The following PPFIBP2 variants were observed in gnomAD, a reference collection of about 807,000 sequenced individuals.
The protein encoded by PPFIBP2 is liprin-beta-2.
In PPFIBP2, 118 loss-of-function variants were observed where a neutral mutation model predicts 118.3. The observed-to-expected ratio is 1.00, with a 90% CI of 0.86 to 1.16. The LOEUF (loss-of-function observed/expected upper bound fraction) is 1.16, where lower values mean the gene tolerates loss of function less well. PPFIBP2 is among the 50% of genes most tolerant of loss of function. The pLI, the probability that PPFIBP2 is intolerant of heterozygous loss-of-function variation, is 0.00. For missense variants in PPFIBP2, 1,195 were observed against 1,073.1 expected, an observed-to-expected ratio of 1.11 and a Z score of -1.59; for synonymous variants, 414 against 397.4, an observed-to-expected ratio of 1.04 and a Z score of -0.50.
At chr11:7,654,176 G>A (rs1854469806), downstream of PPFIBP2, among the ~76,000 whole-genome samples, 1 of 152,214 alleles carries the variant, frequency 6.6e-6, no homozygotes, top group African/African-American at 2.4e-5. Flanking sequence ...ACTTAGCTAG[G>A]CTCATAACCA....
At chr11:7,613,846 C>T (rs1016488985) in intron 6 of PPFIBP2, among the ~76,000 whole-genome samples, 1 of 152,102 alleles carries the variant, frequency 6.6e-6, no homozygotes, top group African/African-American at 2.4e-5. Flanking sequence ...GAGCAGGGAC[C>T]CCAGATATGC....
At chr11:7,654,607 G>C (rs1820625062), downstream of PPFIBP2, among the ~76,000 whole-genome samples, 1 of 152,274 alleles carries the variant, frequency 6.6e-6, no homozygotes, top group Non-Finnish European at 1.5e-5. Context: ...AAGCTTGCCA[G>C]CTGGCAATGC....
At position 7,625,853 on chromosome 11, in the gene PPFIBP2, G is replaced by T. The variant is rs746659185; in HGVS notation, c.788G>T (p.Arg263Leu). 1 of 1,614,192 alleles carries T rather than the reference G, an allele frequency of 6.2e-7. No homozygotes were observed. The change falls in exon 8 of 24, where the codon CGG becomes CTG. Residue 263 changes from arginine (R) to leucine (L), a missense_variant. Physicochemically the swap from Arg to Leu is moderately radical, Grantham distance 102 (BLOSUM62 -2). Transcript: ENST00000299492. ...GAGCGTCTGCACAGCCAGCTCTCCC[G>T]GACAGCAGCTCTCCACAGTGAGAGT... ...EIERLHSQLS[R>L]TAALHSESHT...
At chr11:7,665,969 A>T in the PPFIBP2 span, 3 of 1,496,624 alleles carry the variant, frequency 2.0e-6, no homozygotes, top group South Asian at 2.4e-5. Flanking sequence ...AGCCGGGAGC[A>T]GTGTGAGAGG....
chr11:7,562,968 T>TACACACACACAC (rs1382262708), intron 2 of PPFIBP2, among the ~76,000 whole-genome samples: 3 of 99,510 alleles, frequency 3.0e-5, no homozygotes, highest in African/African-American at 1.2e-4. Context: ...TATATATATA[T>TACACACACACAC]ATATATATAC....
At chr11:7,625,629 A>T in intron 7 of PPFIBP2, 148 bp from the exon 8 acceptor site, 1 of 633,022 alleles carries the variant, frequency 1.6e-6, no homozygotes, top group South Asian at 1.9e-5. Flanking sequence ...ACCTGTGGAG[A>T]GGGCAGTGAG....
intron 6 of PPFIBP2, among the ~76,000 whole-genome samples, chr11:7,614,516 G>A (rs373615875): frequency 1.6e-4 from 25 of 152,016 alleles, no homozygotes; most frequent in East Asian, 7.7e-4. Context: ...TTAATCAGTC[G>A]TCTCTCAGTG....
At position 7,579,666 on chromosome 11, in the gene PPFIBP2, T is replaced by C. The variant is rs58787733; in HGVS notation, c.280-13466T>C. On this transcript the variant is annotated intron_variant, in intron 3 of 23. Transcript: ENST00000299492. ...AGTTATGTGTGTGGAGGAACTAATT[T>C]TGCATGTGATGCAATGTAAGAAGGC... Among the ~76,000 whole-genome samples, 350 of 152,310 alleles carry C rather than the reference T, an allele frequency of 2.3e-3. 1 individual carries two copies. Among genetic ancestry groups the C allele is most frequent in the African/African-American group, 8.3e-3 (345 of 41,564 alleles).
At chr11:7,585,618 C>T (rs1309141133) in intron 3 of PPFIBP2, among the ~76,000 whole-genome samples, 1 of 152,192 alleles carries the variant, frequency 6.6e-6, no homozygotes, top group African/African-American at 2.4e-5. Flanking sequence ...GTCATGCTGC[C>T]CACCACAAAT....
chr11:7,514,916 A>G (rs1259777662), intron 1 of PPFIBP2, among the ~76,000 whole-genome samples: 1 of 152,214 alleles, frequency 6.6e-6, no homozygotes, highest in African/African-American at 2.4e-5. Context: ...TCCCTTTTCT[A>G]TATTTTGGTC....
chr11:7,640,985 C>A, intron 15 of PPFIBP2: 1 of 1,227,906 alleles, frequency 8.1e-7, no homozygotes, highest in Non-Finnish European at 1.1e-6. Context: ...TGGACTTTGG[C>A]CTCTCTTGTT....
intron 2 of PPFIBP2, 47 bp from the exon 3 acceptor site, chr11:7,565,506 A>G (rs938944280): frequency 6.3e-7 from 1 of 1,595,658 alleles, no homozygotes; most frequent in East Asian, 2.2e-5. Context: ...TACCTTGCTC[A>G]GGGTGTCCAC....
At chr11:7,660,487 G>T (rs930614530), downstream of PPFIBP2, among the ~76,000 whole-genome samples, 2 of 148,968 alleles carry the variant, frequency 1.3e-5, no homozygotes, top group African/African-American at 2.5e-5. Flanking sequence ...TTGCATCCCA[G>T]GGATGAAGCC....
intron 12 of PPFIBP2, 25 bp from the exon 13 acceptor site, chr11:7,634,457 CTTCTCATAACTAT>C (rs879671492): frequency 9.3e-6 from 14 of 1,510,540 alleles, no homozygotes; most frequent in Non-Finnish European, 1.3e-5. Flanking sequence ...CATGTACCTC[CTTCTCATAACTAT>C]TTCTTTCTTT....
chr11:7,559,069 C>T (rs1353454512), intron 2 of PPFIBP2, among the ~76,000 whole-genome samples: 1 of 152,156 alleles, frequency 6.6e-6, no homozygotes, highest in Non-Finnish European at 1.5e-5. Context: ...TGTAAAACCG[C>T]TCAGGTGACT....
chr11:7,593,054 A>G, intron 3 of PPFIBP2, 78 bp from the exon 4 acceptor site: 7 of 1,566,702 alleles, frequency 4.5e-6, no homozygotes, highest in African/African-American at 1.4e-5. Context: ...AATTACATGC[A>G]TCCCTTATTT....
chr11:7,656,473 A>G (rs1049511146), downstream of PPFIBP2, among the ~76,000 whole-genome samples: 7 of 152,208 alleles, frequency 4.6e-5, no homozygotes, highest in Admixed American at 3.3e-4. Context: ...ATCTGCCCAC[A>G]CTTGCCCTTA....
At chr11:7,600,889 G>GT (rs1323708427) in intron 5 of PPFIBP2, among the ~76,000 whole-genome samples, 7 of 152,182 alleles carry the variant, frequency 4.6e-5, no homozygotes, top group African/African-American at 1.4e-4. Context: ...GCTAATTTAA[G>GT]TTTTTTAAAA....
chr11:7,597,234 C>T (rs1860501263), intron 4 of PPFIBP2: 2 of 1,526,070 alleles, frequency 1.3e-6, no homozygotes, highest in East Asian at 4.9e-5. Context: ...GAGGTCGGGG[C>T]TGTTCTGGAA....
Sources: allele counts gnomAD v4.1 joint callset (sites outside exome capture counted in the v4.1 genomes callset), GRCh38; gene constraint gnomAD v4.1.1; transcripts MANE v1.5; gene names NCBI Gene and HGNC (gene_info 2026-07-23, HGNC 2026-07-21).